IRAK1BP1: variants seen among roughly 807,000 people sequenced by gnomAD.
The protein encoded by IRAK1BP1 is interleukin-1 receptor-associated kinase 1-binding protein 1.
IRAK1BP1 carries 24 observed loss-of-function variants against 28.0 expected under a neutral mutation model. That is an observed-to-expected ratio of 0.86 (90% CI 0.62 to 1.20). IRAK1BP1 has a LOEUF of 1.20. Ranked by LOEUF, IRAK1BP1 falls within the 50% of genes most tolerant of loss-of-function variation. IRAK1BP1 has a pLI of 0.00. For missense variants in IRAK1BP1, 336 were observed against 316.7 expected, an observed-to-expected ratio of 1.06 and a Z score of -0.46; for synonymous variants, 131 against 116.3, an observed-to-expected ratio of 1.13 and a Z score of -0.81.
chr6:78,903,165 T>C, downstream of IRAK1BP1: 1 of 936,192 alleles, frequency 1.1e-6, no homozygotes, highest in Non-Finnish European at 1.6e-6. Context: ...AAGCATACTG[T>C]ATTCTTTGCT....
At chr6:78,947,385 T>A (rs1018549904), downstream of IRAK1BP1, among the ~76,000 whole-genome samples, 3 of 152,180 alleles carry the variant, frequency 2.0e-5, no homozygotes, top group African/African-American at 7.2e-5. Flanking sequence ...CCAGGACAAT[T>A]TGCATCAACC....
intron 2 of IRAK1BP1, among the ~76,000 whole-genome samples, chr6:78,886,633 T>C (rs1771442285): frequency 2.6e-5 from 4 of 152,114 alleles, no homozygotes; most frequent in Admixed American, 2.0e-4. Context: ...CAAGTTATCT[T>C]AGTTAAGGAG....
chr6:78,907,515 C>T (rs920336889), downstream of IRAK1BP1, among the ~76,000 whole-genome samples: 2 of 152,014 alleles, frequency 1.3e-5, no homozygotes, highest in East Asian at 3.9e-4. Context: ...AACAGAAGAT[C>T]CTTTCCTGAG....
At chr6:78,910,612 C>T (rs560385167) in intron 4 of IRAK1BP1, among the ~76,000 whole-genome samples, 1 of 152,244 alleles carries the variant, frequency 6.6e-6, no homozygotes, top group Non-Finnish European at 1.5e-5. Context: ...TGATATCAAG[C>T]CCGGGCAGAA....
chr6:78,930,047 C>G (rs1773002031), intron 4 of IRAK1BP1, among the ~76,000 whole-genome samples: 1 of 152,110 alleles, frequency 6.6e-6, no homozygotes, highest in Non-Finnish European at 1.5e-5. Context: ...AGCATTCCTC[C>G]TATGTGAGCC....
At chr6:78,870,042 G>C (rs978484561) in intron 1 of IRAK1BP1, among the ~76,000 whole-genome samples, 1 of 148,964 alleles carries the variant, frequency 6.7e-6, no homozygotes, top group Non-Finnish European at 1.5e-5. Flanking sequence ...CCAGGAGGCG[G>C]AGGTTGCAGT....
chr6:78,882,616 T>G (rs1318978143), intron 1 of IRAK1BP1, among the ~76,000 whole-genome samples: 2 of 152,156 alleles, frequency 1.3e-5, no homozygotes, highest in African/African-American at 4.8e-5. Context: ...TGAGGGACAT[T>G]CTGCAAAATA....
rs1351094422 is a variant in IRAK1BP1, at chr6:78,901,130, G to A, written c.*2796G>A. ...TAGCTATGGGTTCATGCTGTATTTG[G>A]TTGCATCATATTTGATAAAGAAGCT... is the stretch of plus-strand genomic sequence containing the variant. On this transcript the variant is annotated 3_prime_UTR_variant, in exon 4 of 4. Transcript: ENST00000369940. 3 of 150,850 alleles carry A rather than the reference G, an allele frequency of 2.0e-5. No homozygotes were observed. The highest frequency in any genetic ancestry group is 1.3e-4 in the Admixed American group (2 of 15,156). 9.3% of individuals were successfully genotyped at this position (150,850 alleles called of 1,614,324 possible).
chr6:78,958,728 A>G, the IRAK1BP1 span: 2 of 655,776 alleles, frequency 3.0e-6, no homozygotes, highest in Non-Finnish European at 5.4e-6. Flanking sequence ...TTGGTCTTAT[A>G]AAGTCATTTT....
At chr6:78,919,732 A>T (rs1381280964) in intron 4 of IRAK1BP1, among the ~76,000 whole-genome samples, 2 of 152,184 alleles carry the variant, frequency 1.3e-5, no homozygotes, top group African/African-American at 2.4e-5. Context: ...CCCAGACCAG[A>T]TGAATTCACA....
intron 1 of IRAK1BP1, among the ~76,000 whole-genome samples, chr6:78,879,917 T>A (rs1403725193): frequency 6.6e-6 from 1 of 152,116 alleles, no homozygotes; most frequent in East Asian, 1.9e-4. Context: ...AACCTTTAAG[T>A]AGAAGCAAAA....
chr6:78,974,643 GA>G, the IRAK1BP1 span, among the ~76,000 whole-genome samples: 4 of 151,656 alleles, frequency 2.6e-5, no homozygotes, highest in Non-Finnish European at 4.4e-5. Flanking sequence ...ACTAATAAAA[GA>G]AAAAAAGAAG....
chr6:78,915,418 C>T lies in IRAK1BP1; in HGVS notation c.*67+12308C>T, dbSNP rs558258596. On this transcript the variant is annotated intron_variant and NMD_transcript_variant, in intron 4 of 4. Coordinates refer to the IRAK1BP1 transcript ENST00000606868. ...AAGCATGTTATAGTGGCCAAGAAAA[C>T]GTGCCTCACAGAGTTTCACCTGCAG... 6.6e-5 allele frequency among the ~76,000 whole-genome samples: 10 copies of T among 152,234 alleles called. 1 individual carries two copies. The highest frequency in any genetic ancestry group is 4.1e-4 in the South Asian group (2 of 4,830).
intron 1 of IRAK1BP1, among the ~76,000 whole-genome samples, chr6:78,873,938 T>G (rs1403666899): frequency 6.6e-6 from 1 of 152,204 alleles, no homozygotes; most frequent in Non-Finnish European, 1.5e-5. Flanking sequence ...TGTCTTTCCT[T>G]TACTACACAT....
rs557241083 is a variant in IRAK1BP1 at position 78,942,209 on chromosome 6, G to A, written c.*68-3199G>A. Among the ~76,000 whole-genome samples the A allele has an allele frequency of 2.6e-5, 4 of 152,320 alleles. No homozygotes were observed. In the East Asian group the frequency reaches 5.8e-4, roughly 22 times the overall value. On this transcript the variant is annotated intron_variant and NMD_transcript_variant, in intron 4 of 4. Transcript: ENST00000606868. ...ATAAGAAAATCATGGTTGGTCGGGTGCAGTGGCTCACGATTATAATCCCAG... is the reference window on the plus strand; with the variant it reads ...ATAAGAAAATCATGGTTGGTCGGGTACAGTGGCTCACGATTATAATCCCAG...
chr6:78,979,215 G>A, the IRAK1BP1 span, among the ~76,000 whole-genome samples: 1 of 152,022 alleles, frequency 6.6e-6, no homozygotes, highest in Non-Finnish European at 1.5e-5. Flanking sequence ...AAAAATGGCA[G>A]CAGTGGCAAC....
intron 4 of IRAK1BP1, chr6:78,941,455 A>G (rs1475552910): frequency 1.7e-6 from 1 of 579,824 alleles, no homozygotes; most frequent in Non-Finnish European, 2.9e-6. Flanking sequence ...TTTTATTAAA[A>G]TGAGAAAAAA....
chr6:78,881,139 A>G (rs1475713509), intron 1 of IRAK1BP1, among the ~76,000 whole-genome samples: 2 of 152,200 alleles, frequency 1.3e-5, no homozygotes, highest in Non-Finnish European at 2.9e-5. Context: ...CAGCAGTGGC[A>G]TGGATTAAAA....
At chr6:78,888,024 T>TAA (rs34228023) in intron 2 of IRAK1BP1, among the ~76,000 whole-genome samples, 29 of 151,786 alleles carry the variant, frequency 1.9e-4, no homozygotes, top group Non-Finnish European at 3.4e-4. Context: ...TATTTAGCCT[T>TAA]AAAAAAAAGG....
Sources: allele counts gnomAD v4.1 joint callset (sites outside exome capture counted in the v4.1 genomes callset), GRCh38; gene constraint gnomAD v4.1.1; transcripts MANE v1.5; gene names NCBI Gene and HGNC (gene_info 2026-07-23, HGNC 2026-07-21).